The following GNG7 variants were observed in gnomAD, a reference collection of about 807,000 sequenced individuals.
GNG7 encodes G protein subunit gamma 7.
A neutral mutation model predicts 4.0 loss-of-function variants in GNG7; 1 was observed. The ratio of observed to expected loss-of-function variants is 0.25; its 90% CI spans 0.09 to 1.18. The LOEUF (loss-of-function observed/expected upper bound fraction) is 1.18. Among genes scored for constraint, GNG7 ranks in the 50% most tolerant of loss-of-function variants. GNG7 has a pLI of 0.50. For missense variants in GNG7, 86 were observed against 91.9 expected, an observed-to-expected ratio of 0.94 and a Z score of 0.26; for synonymous variants, 34 against 36.9, an observed-to-expected ratio of 0.92 and a Z score of 0.29.
At chr19:2,600,642 T>C (rs1013844625) in intron 2 of GNG7, among the ~76,000 whole-genome samples, 2 of 151,876 alleles carry the variant, frequency 1.3e-5, no homozygotes, top group Non-Finnish European at 1.5e-5. Context: ...GGCTAATTTT[T>C]TTTTTTAATT....
intron 1 of GNG7, among the ~76,000 whole-genome samples, chr19:2,686,728 G>A (rs1414916465): frequency 4.6e-5 from 7 of 151,734 alleles, no homozygotes; most frequent in Non-Finnish European, 1.0e-4. Context: ...GGGGTCAAAA[G>A]AGACTTTACT....
intron 2 of GNG7, among the ~76,000 whole-genome samples, chr19:2,603,059 TTTCTG>T (rs943746706): frequency 6.6e-6 from 1 of 151,276 alleles, no homozygotes; most frequent in Non-Finnish European, 1.5e-5. Flanking sequence ...CTTTTTCTCT[TTTCTG>T]TTCTGTTCTG....
intron 2 of GNG7, among the ~76,000 whole-genome samples, chr19:2,608,697 C>G (rs956314860): frequency 2.0e-5 from 3 of 152,182 alleles, no homozygotes; most frequent in Admixed American, 1.3e-4. Flanking sequence ...TCTCAAAGGC[C>G]TTCCCTGCAT....
At chr19:2,661,308 G>GAAAC (rs1983164027) in intron 1 of GNG7, among the ~76,000 whole-genome samples, 2 of 129,304 alleles carry the variant, frequency 1.5e-5, no homozygotes, top group African/African-American at 6.1e-5. Context: ...GAAAGAGAAA[G>GAAAC]AAAGAAAGAA....
Position 2,643,800 on chromosome 19 carries a change from GC to G in GNG7, c.-78+2423del. On this transcript the variant is annotated intron_variant, in intron 2 of 4. Coordinates refer to ENST00000382159, the MANE Select transcript of GNG7 (RefSeq NM_052847.3). ...GGTTGCCATTCATTTCTACAGCTATGCAACCATCAGCATAATCTCAATGGGA... is the reference window on the plus strand; with the variant it reads ...GGTTGCCATTCATTTCTACAGCTATGAACCATCAGCATAATCTCAATGGGA... 4 of 372,914 alleles carry G rather than the reference GC, an allele frequency of 1.1e-5. 1 individual carries two copies. The highest frequency in any genetic ancestry group is 8.0e-5 in the South Asian group (4 of 50,012). The allele number at this position is 372,914 out of a possible 1,614,324, so 23.1% of individuals were successfully genotyped here.
At chr19:2,602,897 T>TTTTCTTTC (rs375016997) in intron 2 of GNG7, among the ~76,000 whole-genome samples, 156 of 103,394 alleles carry the variant, frequency 1.5e-3, no homozygotes, top group Non-Finnish European at 2.5e-3. Flanking sequence ...CTTTTTCTCT[T>TTTTCTTTC]TTTCTTTCTT....
chr19:2,589,031 C>T (rs1159061260), intron 2 of GNG7, among the ~76,000 whole-genome samples: 28 of 151,760 alleles, frequency 1.8e-4, no homozygotes, highest in South Asian at 1.0e-3. Flanking sequence ...CAGGTTCAAG[C>T]GATTCTCCTG....
At chr19:2,643,718 TACAC>T (rs1401107214) in intron 2 of GNG7, 1 of 445,926 alleles carries the variant, frequency 2.2e-6, no homozygotes, top group Non-Finnish European at 4.5e-6. Context: ...GGGGTGCAGT[TACAC>T]ACCCTGCGAT....
At chr19:2,599,747 G>A (rs969284533) in intron 2 of GNG7, among the ~76,000 whole-genome samples, 2 of 152,022 alleles carry the variant, frequency 1.3e-5, no homozygotes, top group African/African-American at 4.8e-5. Context: ...GACCAGCCTG[G>A]GCAATACGGC....
intron 2 of GNG7, among the ~76,000 whole-genome samples, chr19:2,566,962 G>C (rs1196438479): frequency 6.6e-6 from 1 of 151,782 alleles, no homozygotes; most frequent in Non-Finnish European, 1.5e-5. Context: ...AAAATTAGCC[G>C]GGCGCGGTGG....
At chr19:2,665,790 G>A (rs1278690561) in intron 1 of GNG7, among the ~76,000 whole-genome samples, 1 of 152,208 alleles carries the variant, frequency 6.6e-6, no homozygotes, top group East Asian at 1.9e-4. Flanking sequence ...TTAAAGTGGT[G>A]TCTGAGCCAT....
intron 2 of GNG7, among the ~76,000 whole-genome samples, chr19:2,624,539 AAAAAAAAGAAAAAG>A (rs1236912449): frequency 2.6e-5 from 4 of 151,476 alleles, no homozygotes; most frequent in East Asian, 1.9e-4. Context: ...AAAAAAAAAA[AAAAAAAAGAAAAAG>A]AAAAAAAGAA....
chr19:2,691,825 C>T (rs1384192634), intron 1 of GNG7, among the ~76,000 whole-genome samples: 2 of 150,066 alleles, frequency 1.3e-5, no homozygotes, highest in Non-Finnish European at 3.0e-5. Flanking sequence ...TGAGATCATG[C>T]CACCGCACTC....
rs1389569897 is a variant in GNG7 at position 2,557,150 on chromosome 19, GCA to G, written c.-77-1964_-77-1963del. 6.7e-6 allele frequency among the ~76,000 whole-genome samples: 1 copy of G among 150,186 alleles called. No homozygotes were observed. Among genetic ancestry groups the G allele is most frequent in the African/African-American group, 2.5e-5 (1 of 40,264 alleles). On this transcript the variant is annotated intron_variant, in intron 2 of 4. Coordinates refer to ENST00000382159, the MANE Select transcript of GNG7 (RefSeq NM_052847.3). The surrounding 1 kb of genome is among the most constrained non-coding windows in gnomAD (Gnocchi z 5.1). ...ACGTGTACTGCACACTCACGCACATGCACACAAAGACACGCGCACACACGTAC... is the reference window on the plus strand; with the variant it reads ...ACGTGTACTGCACACTCACGCACATGCACAAAGACACGCGCACACACGTAC...
intron 1 of GNG7, among the ~76,000 whole-genome samples, chr19:2,670,936 T>C (rs984987089): frequency 3.9e-5 from 6 of 152,132 alleles, no homozygotes; most frequent in African/African-American, 1.2e-4. Flanking sequence ...CACATATTGA[T>C]ATCCCCACCC....
At chr19:2,655,631 G>T (rs1442037594) in intron 1 of GNG7, among the ~76,000 whole-genome samples, 1 of 151,948 alleles carries the variant, frequency 6.6e-6, no homozygotes, top group East Asian at 1.9e-4. Context: ...AAGGTCAGGA[G>T]ATGGAGACCA....
rs551034160 is a variant in GNG7, at chr19:2,653,026, G to A, written c.-134-6746C>T. On this transcript the variant is annotated intron_variant, in intron 1 of 4. Transcript: ENST00000382159. This position sits in a 1 kb window ranked among gnomAD's most constrained non-coding sequence, Gnocchi z 4.8. Reference sequence around the variant, plus strand: ...GGATCACGTGAGCCCAGAAGGCAGAGGCTGCAGTGAACCGAGATCACACCA... The same window carrying A: ...GGATCACGTGAGCCCAGAAGGCAGAAGCTGCAGTGAACCGAGATCACACCA... Among the ~76,000 whole-genome samples the A allele has an allele frequency of 3.8e-4, 57 of 151,698 alleles. No individual in the cohort carries two copies. Among genetic ancestry groups the A allele is most frequent in the Non-Finnish European group, 2.8e-4 (19 of 67,902 alleles).
chr19:2,552,751 G>A (rs567116093), intron 3 of GNG7, among the ~76,000 whole-genome samples: 1 of 151,160 alleles, frequency 6.6e-6, no homozygotes, highest in East Asian at 1.9e-4. Flanking sequence ...GGTGAGTTGT[G>A]GAATTATTTT....
intron 3 of GNG7, among the ~76,000 whole-genome samples, chr19:2,542,552 C>CG (rs1379572445): frequency 6.6e-6 from 1 of 152,180 alleles, no homozygotes; most frequent in Non-Finnish European, 1.5e-5. Context: ...CTGGAAGCTT[C>CG]GCGTCAGACA....
Sources: allele counts gnomAD v4.1 joint callset (sites outside exome capture counted in the v4.1 genomes callset), GRCh38; gene constraint gnomAD v4.1.1; non-coding constraint Gnocchi (gnomAD v3.1); transcripts MANE v1.5; gene names NCBI Gene and HGNC (gene_info 2026-07-23, HGNC 2026-07-21).